The following KLHDC8A variants were observed in gnomAD, a reference collection of about 807,000 sequenced individuals.
KLHDC8A encodes kelch domain-containing protein 8A.
A neutral mutation model predicts 33.1 loss-of-function variants in KLHDC8A; 21 were observed. The observed-to-expected ratio is 0.64, with a 90% CI of 0.45 to 0.91. KLHDC8A has a LOEUF of 0.91. KLHDC8A is among the 40% of genes least tolerant of loss of function. The pLI, the probability that KLHDC8A is intolerant of heterozygous loss-of-function variation, is 0.00. For synonymous variants in KLHDC8A, 173 were observed against 193.5 expected, an observed-to-expected ratio of 0.89 and a Z score of 0.88; for missense variants, 435 against 483.3, an observed-to-expected ratio of 0.90 and a Z score of 0.94.
rs1200065285 is a variant in KLHDC8A at position 205,336,292 on chromosome 1, C to T, written c.*1107G>A. 1 of 152,280 alleles carries T rather than the reference C, an allele frequency of 6.6e-6. No individual in the cohort carries two copies. Among genetic ancestry groups the T allele is most frequent in the Non-Finnish European group, 1.5e-5 (1 of 68,054 alleles). The allele number at this position is 152,280 out of a possible 1,614,324, so 9.4% of individuals were successfully genotyped here. On this transcript the variant is annotated 3_prime_UTR_variant, in exon 6 of 6. Coordinates refer to ENST00000367155, the MANE Select transcript of KLHDC8A (RefSeq NM_018203.3). ...TGATGAGTTATGAATGGAAGACTAACACGCAGTCTCAAGGCAGGAGAAGAA... is the reference window on the plus strand; with the variant it reads ...TGATGAGTTATGAATGGAAGACTAATACGCAGTCTCAAGGCAGGAGAAGAA...
At position 205,343,261 on chromosome 1, in the gene KLHDC8A, T is replaced by C; in HGVS notation, c.344A>G (p.Glu115Gly). The C allele has an allele frequency of 1.2e-6, 2 of 1,602,348 alleles. No homozygotes were observed. Among genetic ancestry groups the C allele is most frequent in the Non-Finnish European group, 1.7e-6 (2 of 1,171,548 alleles). ...CGTGACAGAAATGCCCATGGCGGCCTCACGCAGCATGCTCCTCTTCTTCCA... is the reference window on the plus strand; with the variant it reads ...CGTGACAGAAATGCCCATGGCGGCCCCACGCAGCATGCTCCTCTTCTTCCA... ...GKWKKRSMLREAAMGISVTAK... is the reference protein window; with the variant it reads ...GKWKKRSMLRGAAMGISVTAK... Residue 115 changes from glutamate to glycine, a missense_variant, in exon 2 of 6, where the codon GAG (glutamate) becomes GGG (glycine). By Grantham distance (98) the Glu-to-Gly change is moderately conservative (BLOSUM62 -2). Transcript: ENST00000367155.
chr1:205,343,897 G>A (rs1662870140), intron 1 of KLHDC8A, 104 bp from the exon 2 acceptor site: 2 of 386,786 alleles, frequency 5.2e-6, no homozygotes, highest in Non-Finnish European at 4.7e-6. Context: ...GGGAAGACGC[G>A]GCGGCGGAGG....
At chr1:205,340,966 T>C (rs769833282) in intron 2 of KLHDC8A, among the ~76,000 whole-genome samples, 2 of 152,198 alleles carry the variant, frequency 1.3e-5, no homozygotes, top group Non-Finnish European at 2.9e-5. Flanking sequence ...ATTGGGAAAC[T>C]TGTGGGATCC....
chr1:205,346,869 A>G (rs1662962711), intron 1 of KLHDC8A, among the ~76,000 whole-genome samples: 1 of 152,196 alleles, frequency 6.6e-6, no homozygotes, highest in Admixed American at 6.5e-5. Context: ...AGGAGATTCC[A>G]GCGGCTGCCC....
chr1:205,343,226 T>C lies in KLHDC8A; in HGVS notation c.376+3A>G. 6.3e-7 allele frequency: 1 copy of C among 1,579,320 alleles called. No homozygotes were observed. The highest frequency in any genetic ancestry group is 8.6e-7 in the Non-Finnish European group (1 of 1,157,688). ...GGCCGCCCTCAGCCCTGGCCCCACTTGCCTTTGGCCGTGACAGAAATGCCC... is the reference window on the plus strand; with the variant it reads ...GGCCGCCCTCAGCCCTGGCCCCACTCGCCTTTGGCCGTGACAGAAATGCCC... On this transcript the variant is annotated splice_donor_region_variant and intron_variant, in intron 2 of 5. Transcript: ENST00000367155.
intron 1 of KLHDC8A, among the ~76,000 whole-genome samples, chr1:205,356,231 C>T (rs1203918377): frequency 2.0e-5 from 3 of 152,182 alleles, no homozygotes; most frequent in East Asian, 3.8e-4. Flanking sequence ...GAGCTGAATT[C>T]GGATCAGAAG....
At chr1:205,343,868 GC>G (rs1463217855) in intron 1 of KLHDC8A, 75 bp from the exon 2 acceptor site, 2 of 465,180 alleles carry the variant, frequency 4.3e-6, no homozygotes, top group African/African-American at 4.2e-5. Flanking sequence ...GGGCTCCGCA[GC>G]CCCTGGTCAA....
intron 2 of KLHDC8A, among the ~76,000 whole-genome samples, chr1:205,340,944 C>T (rs994724603): frequency 6.6e-6 from 1 of 152,218 alleles, no homozygotes; most frequent in Admixed American, 6.5e-5. Context: ...GGAATGCCAT[C>T]TTCCTTCACA....
At chr1:205,347,706 C>A (rs1662984398) in intron 1 of KLHDC8A, among the ~76,000 whole-genome samples, 1 of 152,102 alleles carries the variant, frequency 6.6e-6, no homozygotes, top group Non-Finnish European at 1.5e-5. Flanking sequence ...CACAGCAAGA[C>A]CCTGTCTCTC....
At position 205,339,828 on chromosome 1, in the gene KLHDC8A, A is replaced by G. The variant is rs375384017; in HGVS notation, c.377-20T>C. On this transcript the variant is annotated intron_variant, in intron 2 of 5. Coordinates refer to ENST00000367155, the MANE Select transcript of KLHDC8A (RefSeq NM_018203.3). This position sits in a 1 kb window ranked among gnomAD's most constrained non-coding sequence, Gnocchi z 5.1. ...GGTAATCTAAGAAGAAAGGCCATAC[A>G]TGCCCCTGGCTTAGCTCACAGGTAC... The G allele has an allele frequency of 2.4e-5, 38 of 1,610,070 alleles. No individual in the cohort carries two copies. Among genetic ancestry groups the G allele is most frequent in the Non-Finnish European group, 2.8e-5 (33 of 1,177,794 alleles).
rs527891963 is a variant in KLHDC8A at position 205,339,483 on chromosome 1, C to T, written c.542-74G>A. 1.3e-6 allele frequency: 2 copies of T among 1,482,204 alleles called. No individual in the cohort carries two copies. Among genetic ancestry groups the T allele is most frequent in the Non-Finnish European group, 1.9e-6 (2 of 1,075,902 alleles). The allele number at this position is 1,482,204 out of a possible 1,614,324, so 91.8% of individuals were successfully genotyped here. ...GACAGCGACAGTGAAAAGGGTTTCC[C>T]CTTTTGACAGTTACTCATTCATACA... On this transcript the variant is annotated intron_variant, in intron 3 of 5. Coordinates refer to ENST00000367155, the MANE Select transcript of KLHDC8A (RefSeq NM_018203.3). This position sits in a 1 kb window ranked among gnomAD's most constrained non-coding sequence, Gnocchi z 5.1.
chr1:205,341,744 A>G (rs1041138720), intron 2 of KLHDC8A, among the ~76,000 whole-genome samples: 5 of 151,700 alleles, frequency 3.3e-5, no homozygotes, highest in Non-Finnish European at 7.4e-5. Flanking sequence ...TCTGCCTCCC[A>G]GGTTCACGCC....
chr1:205,347,271 G>A (rs1662972117), intron 1 of KLHDC8A, among the ~76,000 whole-genome samples: 1 of 152,218 alleles, frequency 6.6e-6, no homozygotes, highest in Non-Finnish European at 1.5e-5. Context: ...ATCGGAGGGA[G>A]AGTGTCCAGT....
In KLHDC8A at chr1:205,338,703, C is replaced by T. The variant is rs1558683658; in HGVS notation, c.758-107G>A. 3.6e-6 allele frequency: 3 copies of T among 823,990 alleles called. No homozygotes were observed. In the African/African-American group the frequency reaches 5.0e-5, roughly 14 times the overall value. The allele number at this position is 823,990 out of a possible 1,614,324, so 51.0% of individuals were successfully genotyped here. A position where few individuals can be genotyped will look rare whatever the true frequency, so the allele number is the denominator to read the frequency against. On this transcript the variant is annotated intron_variant, in intron 4 of 5. Coordinates refer to ENST00000367155, the MANE Select transcript of KLHDC8A (RefSeq NM_018203.3). ...TAGCTTTCACCCTGGGCAGTGTCTT[C>T]ACTCTATTTATCCTTTATGCTTGGG... is the stretch of plus-strand genomic sequence containing the variant.
chr1:205,340,641 C>T (rs572803591), intron 2 of KLHDC8A, among the ~76,000 whole-genome samples: 50 of 152,148 alleles, frequency 3.3e-4, no homozygotes, highest in African/African-American at 1.1e-3. Context: ...CCTGCCACCA[C>T]ACCTGGTATT....
intron 1 of KLHDC8A, among the ~76,000 whole-genome samples, chr1:205,352,991 G>A (rs1292826661): frequency 6.6e-6 from 1 of 152,230 alleles, no homozygotes; most frequent in African/African-American, 2.4e-5. Context: ...GGGATCCAGT[G>A]TGTCCTTTGT....
intron 1 of KLHDC8A, among the ~76,000 whole-genome samples, chr1:205,353,907 G>A (rs1332214317): frequency 2.0e-5 from 3 of 152,206 alleles, no homozygotes; most frequent in Non-Finnish European, 4.4e-5. Context: ...GAGAGATTAG[G>A]AAACTCACCA....
At position 205,339,872 on chromosome 1, in the gene KLHDC8A, G is replaced by A. The variant is rs1662745536; in HGVS notation, c.377-64C>T. 14 of 1,497,648 alleles carry A rather than the reference G, an allele frequency of 9.3e-6. No homozygotes were observed. Among genetic ancestry groups the A allele is most frequent in the Non-Finnish European group, 9.1e-7 (1 of 1,096,664 alleles). 92.8% of individuals were successfully genotyped at this position (1,497,648 alleles called of 1,614,324 possible). A position where few individuals can be genotyped will look rare whatever the true frequency, so the allele number is the denominator to read the frequency against. On this transcript the variant is annotated intron_variant, in intron 2 of 5. Coordinates refer to ENST00000367155, the MANE Select transcript of KLHDC8A (RefSeq NM_018203.3). This position sits in a 1 kb window ranked among gnomAD's most constrained non-coding sequence, Gnocchi z 5.1. ...CAGGTACAGCAAGACAGGCCCACCAGCATCTATTGCCTCCCATGGCCAGGC... is the reference window on the plus strand; with the variant it reads ...CAGGTACAGCAAGACAGGCCCACCAACATCTATTGCCTCCCATGGCCAGGC...
chr1:205,338,205 C>T (rs1474612905), intron 5 of KLHDC8A, among the ~76,000 whole-genome samples: 1 of 152,152 alleles, frequency 6.6e-6, no homozygotes. Flanking sequence ...CCAGTCATTC[C>T]CGTTTAGGGA....
Sources: allele counts gnomAD v4.1 joint callset (sites outside exome capture counted in the v4.1 genomes callset), GRCh38; gene constraint gnomAD v4.1.1; non-coding constraint Gnocchi (gnomAD v3.1); transcripts MANE v1.5; gene names NCBI Gene and HGNC (gene_info 2026-07-23, HGNC 2026-07-21).